The following OGDH variants were observed in gnomAD, a reference collection of about 807,000 sequenced individuals.
OGDH encodes the protein 2-oxoglutarate dehydrogenase complex component E1.
OGDH carries 38 observed loss-of-function variants against 116.6 expected under a neutral mutation model. The observed-to-expected ratio is 0.33, with a 90% confidence interval of 0.25 to 0.43. The LOEUF (loss-of-function observed/expected upper bound fraction) is 0.43. OGDH is among the 20% of genes least tolerant of loss of function. OGDH has a pLI of 1.00. For synonymous variants in OGDH, 488 were observed against 533.3 expected, an observed-to-expected ratio of 0.92 and a Z score of 1.17; for missense variants, 825 against 1,357.2, an observed-to-expected ratio of 0.61 and a Z score of 6.16.
At chr7:44,699,255 G>A (rs1046654740) in intron 18 of OGDH, among the ~76,000 whole-genome samples, 3 of 151,892 alleles carry the variant, frequency 2.0e-5, no homozygotes, top group East Asian at 1.9e-4. Flanking sequence ...GTGAAACCCC[G>A]TCTCTACTAA....
chr7:44,683,835 T>A (rs1401762823), intron 10 of OGDH, among the ~76,000 whole-genome samples: 8 of 152,234 alleles, frequency 5.3e-5, no homozygotes, highest in Non-Finnish European at 8.8e-5. Flanking sequence ...CAGCCGTAGC[T>A]AAGGGTTCCC....
intron 2 of OGDH, among the ~76,000 whole-genome samples, chr7:44,636,941 C>T (rs937541761): frequency 6.6e-6 from 1 of 152,074 alleles, no homozygotes; most frequent in Non-Finnish European, 1.5e-5. Context: ...TGGGGGGGCA[C>T]ACAAGCTCCC....
chr7:44,610,080 G>C (rs546900550), intron 1 of OGDH, among the ~76,000 whole-genome samples: 1 of 151,804 alleles, frequency 6.6e-6, no homozygotes, highest in Admixed American at 6.6e-5. Context: ...CCTCCCAAAG[G>C]CTAGGATTTC....
chr7:44,681,901 G>T, intron 10 of OGDH, 53 bp downstream of exon 10: 2 of 1,595,346 alleles, frequency 1.3e-6, no homozygotes, highest in South Asian at 2.2e-5. Context: ...TACTTAGAAT[G>T]ACATCTCTGA....
chr7:44,635,136 A>G (rs1785606366), intron 2 of OGDH, among the ~76,000 whole-genome samples: 1 of 152,124 alleles, frequency 6.6e-6, no homozygotes, highest in African/African-American at 2.4e-5. Context: ...CCGGGATGGG[A>G]GGCCTGCCCC....
chr7:44,702,581 T>TTTTA (rs553174514), intron 20 of OGDH, among the ~76,000 whole-genome samples: 3,365 of 151,558 alleles, frequency 0.022, 114 homozygotes, highest in African/African-American at 0.077. Flanking sequence ...TTATTTTTAA[T>TTTTA]TTTATTTATT....
chr7:44,660,932 A>G (rs929026631), intron 4 of OGDH, among the ~76,000 whole-genome samples: 9 of 151,166 alleles, frequency 6.0e-5, no homozygotes, highest in East Asian at 2.0e-4. Flanking sequence ...CTACACACAC[A>G]CGCGCGTGTG....
intron 2 of OGDH, among the ~76,000 whole-genome samples, chr7:44,638,654 C>T (rs1785782954): frequency 6.6e-6 from 1 of 152,162 alleles, no homozygotes; most frequent in Admixed American, 6.5e-5. Flanking sequence ...GCTTAGGCAG[C>T]CTAAACCAAC....
intron 10 of OGDH, among the ~76,000 whole-genome samples, chr7:44,690,944 A>G (rs1362280992): frequency 6.6e-6 from 1 of 151,858 alleles, no homozygotes; most frequent in Non-Finnish European, 1.5e-5. Flanking sequence ...TTTTTTTTTA[A>G]TCTCATCAGT....
chr7:44,654,994 CTCT>C lies in OGDH; in HGVS notation c.517+7240_517+7242del, dbSNP rs921673266. Among the ~76,000 whole-genome samples, 5 of 152,276 alleles carry C rather than the reference CTCT, an allele frequency of 3.3e-5. No homozygotes were observed. The East Asian group carries it at 7.7e-4, about 23-fold the overall frequency. The stretch of plus-strand genomic sequence containing the variant: ...ATCTTCTATTGTTCTCTTAACTCTC[CTCT>C]TCTTTGGTTTGTGTCTTTTGTTTGC... On this transcript the variant is annotated intron_variant, in intron 4 of 22. Coordinates refer to ENST00000222673, the MANE Select transcript of OGDH (RefSeq NM_002541.4).
rs552066492 is a variant in OGDH at position 44,635,332 on chromosome 7, T to G, written c.223-9995T>G. Among the ~76,000 whole-genome samples, 185 of 152,300 alleles carry G rather than the reference T, an allele frequency of 1.2e-3. 2 individuals carry two copies. Among genetic ancestry groups the G allele is most frequent in the Non-Finnish European group, 2.1e-3 (142 of 68,008 alleles). On this transcript the variant is annotated intron_variant, in intron 2 of 22. Transcript: ENST00000222673. The stretch of plus-strand genomic sequence containing the variant: ...AAGCATTGTCAGTGTCAGAACTTAG[T>G]AAGTGAGGTTGTGTGGATAGTGCTG...
intron 2 of OGDH, among the ~76,000 whole-genome samples, chr7:44,629,580 CTTT>C (rs71701992): frequency 3.3e-5 from 2 of 59,998 alleles, no homozygotes; most frequent in Admixed American, 1.8e-4. Flanking sequence ...TTTTTCTTTT[CTTT>C]TTTTTTTTTT....
chr7:44,640,720 C>T (rs1328320468), intron 2 of OGDH, among the ~76,000 whole-genome samples: 1 of 151,976 alleles, frequency 6.6e-6, no homozygotes, highest in Non-Finnish European at 1.5e-5. Flanking sequence ...GTGCTGTTCT[C>T]CAGTACTTAC....
At chr7:44,671,033 A>AG (rs1787425890) in intron 5 of OGDH, among the ~76,000 whole-genome samples, 1 of 151,168 alleles carries the variant, frequency 6.6e-6, no homozygotes, top group Non-Finnish European at 1.5e-5. Context: ...AAAAAAGAAA[A>AG]GAAAAAAAAG....
rs558668367 is a variant in OGDH, at chr7:44,625,806, C to T, written c.222+1241C>T. On this transcript the variant is annotated intron_variant, in intron 2 of 22. Coordinates refer to ENST00000222673, the MANE Select transcript of OGDH (RefSeq NM_002541.4). ...TCCCTTTAAGTATTAGTGACACTTA[C>T]GAATTTTTTTTTTTAATTTAGCTAG... Among the ~76,000 whole-genome samples, 8 of 151,218 alleles carry T rather than the reference C, an allele frequency of 5.3e-5. No homozygotes were observed. The South Asian group carries it at 1.7e-3, about 32-fold the overall frequency.
intron 4 of OGDH, among the ~76,000 whole-genome samples, chr7:44,663,513 AATCCC>A (rs1262609023): frequency 1.3e-5 from 2 of 152,220 alleles, no homozygotes; most frequent in African/African-American, 4.8e-5. Flanking sequence ...TCACGCCTTT[AATCCC>A]AGCACTTTGG....
Position 44,610,372 on chromosome 7 carries a change from G to A in OGDH, c.-28+3719G>A, listed in dbSNP as rs138826061. On this transcript the variant is annotated intron_variant, in intron 1 of 22. Transcript: ENST00000222673. Reference sequence around the variant, plus strand: ...GTCCCCCAGGCTGGAGTGCAGTGGCGTAATCTCTACAACCTCTGCCTCCCA... The same window carrying A: ...GTCCCCCAGGCTGGAGTGCAGTGGCATAATCTCTACAACCTCTGCCTCCCA... 4.7e-3 allele frequency among the ~76,000 whole-genome samples: 714 copies of A among 151,804 alleles called. 6 individuals carry two copies. Among genetic ancestry groups the A allele is most frequent in the African/African-American group, 0.016 (668 of 41,406 alleles).
intron 12 of OGDH, among the ~76,000 whole-genome samples, chr7:44,695,183 C>T (rs921685607): frequency 1.3e-5 from 2 of 152,054 alleles, no homozygotes; most frequent in South Asian, 2.1e-4. Flanking sequence ...GCAACCTCCA[C>T]CTCCTTACTT....
chr7:44,688,431 CT>C (rs375502677), intron 10 of OGDH, among the ~76,000 whole-genome samples: 19 of 128,212 alleles, frequency 1.5e-4, no homozygotes, highest in Admixed American at 1.7e-4. Flanking sequence ...TTTATATATA[CT>C]TTTTTTTTTT....
Sources: gnomAD v4.1 joint callset for allele counts (sites outside exome capture counted in the v4.1 genomes callset) on GRCh38, gnomAD v4.1.1 for gene constraint, MANE v1.5 for transcripts, NCBI Gene and HGNC (gene_info 2026-07-23, HGNC 2026-07-21) for gene names.